The following PMM2 variants were observed in gnomAD, a reference collection of about 807,000 sequenced individuals.
PMM2 encodes mannose-6-phosphate isomerase.
A neutral mutation model predicts 33.2 loss-of-function variants in PMM2; 35 were observed. The ratio of observed to expected loss-of-function variants is 1.06; its 90% confidence interval spans 0.81 to 1.40. PMM2 has a LOEUF of 1.40. Ranked by LOEUF, PMM2 falls within the 40% of genes most tolerant of loss-of-function variation. The pLI is 0.00. For missense variants in PMM2, 386 were observed against 306.0 expected (o/e 1.26, Z -1.95); for synonymous variants, 153 against 114.7 (o/e 1.33, Z -2.13).
intron 7 of PMM2, among the ~76,000 whole-genome samples, chr16:8,815,948 A>C (rs1250730142): frequency 6.6e-6 from 1 of 152,076 alleles, no homozygotes; most frequent in East Asian, 1.9e-4. Context: ...AAACTCCAAC[A>C]ACTCAATGGC....
intron 4 of PMM2, chr16:8,808,735 C>G (rs1378651502): frequency 1.3e-5 from 2 of 152,186 alleles, no homozygotes; most frequent in African/African-American, 2.4e-5. Context: ...TAATTGAGCT[C>G]TTTTTCTGAT....
At chr16:8,838,073 C>G (rs576521391) in intron 7 of PMM2, among the ~76,000 whole-genome samples, 1 of 152,046 alleles carries the variant, frequency 6.6e-6, no homozygotes, top group Non-Finnish European at 1.5e-5. Flanking sequence ...AAAAGAGAGT[C>G]AGCAAAGGGT....
At chr16:8,836,978 G>T (rs980919659) in intron 7 of PMM2, among the ~76,000 whole-genome samples, 5 of 152,088 alleles carry the variant, frequency 3.3e-5, no homozygotes, top group African/African-American at 1.2e-4. Context: ...GCTGGTCCAG[G>T]TGTGAGGAGG....
At chr16:8,812,602 G>A (rs995823227) in intron 6 of PMM2, among the ~76,000 whole-genome samples, 7 of 152,204 alleles carry the variant, frequency 4.6e-5, no homozygotes, top group South Asian at 2.1e-4. Context: ...AAAATATGCC[G>A]GATGCAACCT....
chr16:8,797,892 C>G lies in PMM2; in HGVS notation c.10C>G (p.Pro4Ala), dbSNP rs1350409007. The change falls in exon 1 of 8, where the codon CCT becomes GCT. Residue 4 changes from proline (P) to alanine (A), a missense_variant. Coordinates refer to ENST00000268261, the MANE Select transcript of PMM2 (RefSeq NM_000303.3). MAA[P>A]GPALCLFDVD... is the part of the protein sequence containing the mutation. ...GCTAGAAACTGGGGACATGGCAGCG[C>G]CTGGCCCAGCGCTCTGCCTCTTCGA... 47 of 1,611,462 alleles carry G rather than the reference C, an allele frequency of 2.9e-5. No individual in the cohort carries two copies. Among genetic ancestry groups the G allele is most frequent in the Non-Finnish European group, 3.8e-5 (45 of 1,179,278 alleles).
rs769839273 is a variant in PMM2 at position 8,806,363 on chromosome 16, C to T, written c.303C>T (p.Asn101=). The change falls in exon 4 of 8, where the codon AAC becomes AAT. Residue 101 remains asparagine, a synonymous_variant. Coordinates refer to ENST00000268261, the MANE Select transcript of PMM2 (RefSeq NM_000303.3). ...LGEALIQDLI[N]YCLSYIAKIK... ...AGGCCCTAATCCAAGATTTAATCAA[C>T]TACTGTCTGAGCTACATTGCGAAAA... 2 of 1,613,306 alleles carry T rather than the reference C, an allele frequency of 1.2e-6. No homozygotes were observed. Among genetic ancestry groups the T allele is most frequent in the Admixed American group, 1.7e-5 (1 of 59,996 alleles).
chr16:8,820,084 C>G (rs1321275285), intron 7 of PMM2, among the ~76,000 whole-genome samples: 3 of 152,214 alleles, frequency 2.0e-5, no homozygotes. Flanking sequence ...TGGATCCCAG[C>G]TACTCAGGAG....
chr16:8,806,691 G>A lies in PMM2; in HGVS notation c.347+284G>A, dbSNP rs1169166495. On this transcript the variant is annotated intron_variant, in intron 4 of 7. Transcript: ENST00000268261. ...AAATCCGAATCCCAGCACTTAGTAAGGAATAATTGGAAACAGTCCACAAAG... is the reference window on the plus strand; with the variant it reads ...AAATCCGAATCCCAGCACTTAGTAAAGAATAATTGGAAACAGTCCACAAAG... 24 of 468,964 alleles carry A rather than the reference G, an allele frequency of 5.1e-5. No homozygotes were observed. The East Asian group carries it at 1.0e-3, about 20-fold the overall frequency. The allele number at this position is 468,964 out of a possible 1,614,324, so 29.1% of individuals were successfully genotyped here.
intron 7 of PMM2, among the ~76,000 whole-genome samples, chr16:8,841,865 A>T (rs2060892939): frequency 6.7e-6 from 1 of 150,058 alleles, no homozygotes; most frequent in African/African-American, 2.5e-5. Context: ...GAGTGAGTAC[A>T]GCTGAAGGAG....
chr16:8,830,972 C>G (rs970969730), intron 7 of PMM2, among the ~76,000 whole-genome samples: 3 of 152,170 alleles, frequency 2.0e-5, no homozygotes, highest in African/African-American at 7.2e-5. Context: ...AACCCCGCCT[C>G]TACTAAAAGT....
chr16:8,838,395 C>T (rs1005058920), intron 7 of PMM2, among the ~76,000 whole-genome samples: 1 of 151,964 alleles, frequency 6.6e-6, no homozygotes, highest in African/African-American at 2.4e-5. Context: ...GCTCAGAGGC[C>T]TGACATTCCT....
intron 7 of PMM2, among the ~76,000 whole-genome samples, chr16:8,830,597 G>T (rs1047723509): frequency 6.3e-4 from 96 of 152,092 alleles, no homozygotes; most frequent in Non-Finnish European, 6.6e-4. Flanking sequence ...TACCTGTCTG[G>T]GTGGCGTCAA....
intron 2 of PMM2, among the ~76,000 whole-genome samples, chr16:8,803,269 C>G (rs1375510140): frequency 6.6e-6 from 1 of 152,222 alleles, no homozygotes; most frequent in African/African-American, 2.4e-5. Context: ...TCCACTTCCA[C>G]TTCATTTTCC....
intron 6 of PMM2, among the ~76,000 whole-genome samples, chr16:8,812,617 C>T (rs1009237455): frequency 6.6e-6 from 1 of 152,220 alleles, no homozygotes; most frequent in African/African-American, 2.4e-5. Context: ...CAACCTGCTT[C>T]CGGGCATTTC....
At position 8,838,615 on chromosome 16, in the gene PMM2, C is replaced by T. The variant is rs899412856; in HGVS notation, c.640-9109C>T. 2.6e-5 allele frequency among the ~76,000 whole-genome samples: 4 copies of T among 151,794 alleles called. No homozygotes were observed. The East Asian group carries it at 7.7e-4, about 29-fold the overall frequency. On this transcript the variant is annotated intron_variant, in intron 7 of 7. Transcript: ENST00000268261. ...GATATTGTGGGGATGTTAGAAGAAA[C>T]ATTTGTTGTATAGAATGATTGGTGA... is the stretch of plus-strand genomic sequence containing the variant.
intron 7 of PMM2, among the ~76,000 whole-genome samples, chr16:8,828,417 A>C (rs903042385): frequency 1.3e-5 from 2 of 152,150 alleles, no homozygotes; most frequent in African/African-American, 2.4e-5. Context: ...ACCACTGTGA[A>C]ATAGCAAAGC....
At chr16:8,814,111 A>G (rs1021094695) in intron 7 of PMM2, among the ~76,000 whole-genome samples, 10 of 151,982 alleles carry the variant, frequency 6.6e-5, no homozygotes, top group Middle Eastern at 3.4e-3. Context: ...AAGTGATCCA[A>G]TCAACTCGGC....
At chr16:8,831,492 G>A (rs1442408059) in intron 7 of PMM2, among the ~76,000 whole-genome samples, 3 of 152,242 alleles carry the variant, frequency 2.0e-5, no homozygotes, top group East Asian at 1.9e-4. Context: ...AGACATGGTC[G>A]CACCAGTGCA....
intron 7 of PMM2, among the ~76,000 whole-genome samples, chr16:8,844,793 A>T (rs1379174422): frequency 6.6e-6 from 1 of 152,166 alleles, no homozygotes; most frequent in African/African-American, 2.4e-5. Flanking sequence ...AAGAGAAGGG[A>T]GAGATTGAAG....
Sources: allele counts gnomAD v4.1 joint callset (sites outside exome capture counted in the v4.1 genomes callset), GRCh38; gene constraint gnomAD v4.1.1; transcripts MANE v1.5; gene names NCBI Gene and HGNC (gene_info 2026-07-23, HGNC 2026-07-21).